IL36RN: variants seen among roughly 807,000 people sequenced by gnomAD.
The protein encoded by IL36RN is interleukin 36 receptor antagonist.
A neutral mutation model predicts 13.0 loss-of-function variants in IL36RN; 11 were observed. That is an observed-to-expected ratio of 0.85 (90% confidence interval 0.53 to 1.40). IL36RN has a LOEUF of 1.40. Ranked by LOEUF, IL36RN falls within the 40% of genes most tolerant of loss-of-function variation. The pLI is 0.00. For synonymous variants in IL36RN, 94 were observed against 84.1 expected, an observed-to-expected ratio of 1.12 and a Z score of -0.64; for missense variants, 195 against 195.3, an observed-to-expected ratio of 1.00 and a Z score of 0.01.
At position 113,059,583 on chromosome 2, in the gene IL36RN, G is replaced by A. The variant is rs1685599357; in HGVS notation, c.29+116G>A. ...AGGGAGGGGCTGCCATTGCAGCTGG[G>A]AAATTGTGACCAGCACCTCACTGCT... On this transcript the variant is annotated intron_variant, in intron 2 of 4. Coordinates refer to ENST00000393200, the MANE Select transcript of IL36RN (RefSeq NM_012275.3). 2.7e-5 allele frequency: 32 copies of A among 1,202,518 alleles called. No individual in the cohort carries two copies. The South Asian group carries it at 3.9e-4, about 15-fold the overall frequency. 74.5% of individuals were successfully genotyped at this position (1,202,518 alleles called of 1,614,324 possible).
intron 4 of IL36RN, 70 bp downstream of exon 4, chr2:113,062,321 C>T: frequency 1.2e-6 from 2 of 1,608,700 alleles, no homozygotes; most frequent in Non-Finnish European, 1.7e-6. Context: ...GGGCAGCCCA[C>T]AGCCCTGGTG....
Position 113,060,940 on chromosome 2 carries a change from T to G in IL36RN, c.115+3T>G. ...GCATGCAGGGAAGGTCATTAAAGGTTGGTGATGAAACATGACCCACTTTCC... is the reference window on the plus strand; with the variant it reads ...GCATGCAGGGAAGGTCATTAAAGGTGGGTGATGAAACATGACCCACTTTCC... On this transcript the variant is annotated splice_donor_region_variant and intron_variant, in intron 3 of 4. Coordinates refer to ENST00000393200, the MANE Select transcript of IL36RN (RefSeq NM_012275.3). 1 of 1,612,424 alleles carries G rather than the reference T, an allele frequency of 6.2e-7. No individual in the cohort carries two copies. Among genetic ancestry groups the G allele is most frequent in the South Asian group, 1.1e-5 (1 of 91,052 alleles).
At position 113,062,627 on chromosome 2, in the gene IL36RN, G is replaced by T. The variant is rs1415006327; in HGVS notation, c.418G>T (p.Gly140Cys). ...CAGACTCACCCAGCTTCCCGAGAAT[G>T]GTGGCTGGAATGCCCCCATCACAGA... ...PVRLTQLPEN[G>C]GWNAPITDFY... The change falls in exon 5 of 5, where the codon GGT becomes TGT. Residue 140 changes from glycine (G) to cysteine (C), a missense_variant. Physicochemically the swap from Gly to Cys is radical, Grantham distance 159. Transcript: ENST00000393200. 1 of 1,613,216 alleles carries T rather than the reference G, an allele frequency of 6.2e-7. No homozygotes were observed. The highest frequency in any genetic ancestry group is 8.5e-7 in the Non-Finnish European group (1 of 1,180,002).
At chr2:113,058,912 C>T (rs1240376365), upstream of IL36RN, among the ~76,000 whole-genome samples, 3 of 152,010 alleles carry the variant, frequency 2.0e-5, no homozygotes, top group Non-Finnish European at 4.4e-5. Context: ...GTCGCGCTTC[C>T]CTTGAGCTGC....
chr2:113,059,241 G>T lies in IL36RN; in HGVS notation c.-28G>T. On this transcript the variant is annotated splice_region_variant and 5_prime_UTR_variant, in exon 1 of 5. It adds an upstream start codon to the 5' untranslated region. Coordinates refer to ENST00000393200, the MANE Select transcript of IL36RN (RefSeq NM_012275.3). ...CCGCCAGGAGAAAGGAACATTCTGA[G>T]GTATGCTCTGGGGCGCTGGTGGTAC... 1 of 658,498 alleles carries T rather than the reference G, an allele frequency of 1.5e-6. No individual in the cohort carries two copies. The highest frequency in any genetic ancestry group is 2.2e-5 in the Admixed American group (1 of 45,488). 40.8% of individuals were successfully genotyped at this position (658,498 alleles called of 1,614,324 possible).
chr2:113,060,811 C>A, intron 2 of IL36RN, 41 bp from the exon 3 acceptor site: 1 of 1,435,022 alleles, frequency 7.0e-7, no homozygotes, highest in Non-Finnish European at 9.8e-7. Context: ...GAGTGTCCAC[C>A]CTCCTCCTAA....
rs1463163019 is a variant in IL36RN at position 113,063,097 on chromosome 2, G to A, written c.*420G>A. 6 of 316,002 alleles carry A rather than the reference G, an allele frequency of 1.9e-5. No homozygotes were observed. The highest frequency in any genetic ancestry group is 3.7e-5 in the Non-Finnish European group (6 of 162,542). The allele number at this position is 316,002 out of a possible 1,614,324, so 19.6% of individuals were successfully genotyped here. A position where few individuals can be genotyped will look rare whatever the true frequency, so the allele number is the denominator to read the frequency against. On this transcript the variant is annotated 3_prime_UTR_variant, in exon 5 of 5. Coordinates refer to ENST00000393200, the MANE Select transcript of IL36RN (RefSeq NM_012275.3). ...ATGAAGACCTGTCACTCACCACTAT[G>A]CAGGAGAGGGAGGTGGTCATAGAGT...
intron 4 of IL36RN, 75 bp downstream of exon 4, chr2:113,062,326 C>T: frequency 6.2e-7 from 1 of 1,609,392 alleles, no homozygotes; most frequent in Non-Finnish European, 8.5e-7. Context: ...GCCCACAGCC[C>T]TGGTGCTGTG....
Position 113,063,035 on chromosome 2 carries a change from T to A in IL36RN, c.*358T>A, listed in dbSNP as rs1685675429. On this transcript the variant is annotated 3_prime_UTR_variant, in exon 5 of 5. Coordinates refer to ENST00000393200, the MANE Select transcript of IL36RN (RefSeq NM_012275.3). ...ACCCTGAGCCCCGCAGGCCAACCCATCCCCAGTTGAGCCTTATAGGGTCAG... is the reference window on the plus strand; with the variant it reads ...ACCCTGAGCCCCGCAGGCCAACCCAACCCCAGTTGAGCCTTATAGGGTCAG... The A allele has an allele frequency of 5.5e-6, 2 of 366,268 alleles. No individual in the cohort carries two copies. Among genetic ancestry groups the A allele is most frequent in the South Asian group, 4.3e-5 (2 of 46,606 alleles). 22.7% of individuals were successfully genotyped at this position (366,268 alleles called of 1,614,324 possible). A position where few individuals can be genotyped will look rare whatever the true frequency, so the allele number is the denominator to read the frequency against.
chr2:113,062,614 G>C lies in IL36RN; in HGVS notation c.405G>C (p.Gln135His). 1 of 1,613,534 alleles carries C rather than the reference G, an allele frequency of 6.2e-7. No individual in the cohort carries two copies. The highest frequency in any genetic ancestry group is 8.5e-7 in the Non-Finnish European group (1 of 1,180,024). ...CCGATCAGCCTGTCAGACTCACCCA[G>C]CTTCCCGAGAATGGTGGCTGGAATG... ...PEADQPVRLT[Q>H]LPENGGWNAP... The change falls in exon 5 of 5, where the codon CAG becomes CAC. Residue 135 changes from glutamine to histidine, a missense_variant. Physicochemically the swap from Gln to His is conservative, Grantham distance 24. Transcript: ENST00000393200.
chr2:113,060,710 G>A, intron 2 of IL36RN, 142 bp from the exon 3 acceptor site: 1 of 713,102 alleles, frequency 1.4e-6, no homozygotes, highest in Non-Finnish European at 2.6e-6. Context: ...AGGGCTGGGA[G>A]ACAAGGCTGT....
chr2:113,062,324 C>T (rs1439320426), intron 4 of IL36RN, 73 bp downstream of exon 4: 45 of 1,608,548 alleles, frequency 2.8e-5, no homozygotes, highest in Admixed American at 5.0e-5. Flanking sequence ...CAGCCCACAG[C>T]CCTGGTGCTG....
In IL36RN at chr2:113,063,002, C is replaced by T; in HGVS notation, c.*325C>T. On this transcript the variant is annotated 3_prime_UTR_variant, in exon 5 of 5. Coordinates refer to ENST00000393200, the MANE Select transcript of IL36RN (RefSeq NM_012275.3). ...ATCATTCCTGCTTAATGGTAACTGA[C>T]CAGTGTTACCCTGAGCCCCGCAGGC... is the stretch of plus-strand genomic sequence containing the variant. 2.6e-6 allele frequency: 1 copy of T among 389,636 alleles called. No individual in the cohort carries two copies. Among genetic ancestry groups the T allele is most frequent in the Non-Finnish European group, 4.9e-6 (1 of 203,174 alleles). The allele number at this position is 389,636 out of a possible 1,614,324, so 24.1% of individuals were successfully genotyped here. A position where few individuals can be genotyped will look rare whatever the true frequency, so the allele number is the denominator to read the frequency against.
Position 113,062,442 on chromosome 2 carries a change from TCTGC to T in IL36RN, c.244-9_244-6del, listed in dbSNP as rs749941611. The T allele has an allele frequency of 1.3e-5, 21 of 1,613,872 alleles. No individual in the cohort carries two copies. In the East Asian group the frequency reaches 4.2e-4, roughly 33 times the overall value. ...TCTGCCCTCACCTGACCTCCCCTCC[TCTGC>T]CGGCAGCCAGTGAACATCATGGAGC... On this transcript the variant is annotated splice_polypyrimidine_tract_variant and splice_region_variant and intron_variant, in intron 4 of 4. Transcript: ENST00000393200.
At position 113,062,548 on chromosome 2, in the gene IL36RN, G is replaced by C. The variant is rs758684391; in HGVS notation, c.339G>C (p.Ser113=). 1.9e-6 allele frequency: 3 copies of C among 1,613,876 alleles called. No homozygotes were observed. Among genetic ancestry groups the C allele is most frequent in the Non-Finnish European group, 2.5e-6 (3 of 1,180,012 alleles). Residue 113 remains serine (S), a synonymous_variant, in exon 5 of 5, where the codon TCG becomes TCC. Coordinates refer to ENST00000393200, the MANE Select transcript of IL36RN (RefSeq NM_012275.3). ...RDMGLTSSFE[S]AAYPGWFLCT... ...TGGGGCTCACCTCCAGCTTCGAGTC[G>C]GCTGCCTACCCGGGCTGGTTCCTGT...
At position 113,059,250 on chromosome 2, in the gene IL36RN, TG is replaced by T; in HGVS notation, c.-28+13del. 2.9e-6 allele frequency: 2 copies of T among 678,464 alleles called. No homozygotes were observed. Among genetic ancestry groups the T allele is most frequent in the Admixed American group, 2.1e-5 (1 of 47,710 alleles). The allele number at this position is 678,464 out of a possible 1,614,324, so 42.0% of individuals were successfully genotyped here. ...GAAAGGAACATTCTGAGGTATGCTC[TG>T]GGGCGCTGGTGGTACCGGAGCTCTC... On this transcript the variant is annotated intron_variant, in intron 1 of 4. Transcript: ENST00000393200.
chr2:113,061,078 A>T (rs1403009203), intron 3 of IL36RN, 141 bp downstream of exon 3: 1 of 717,888 alleles, frequency 1.4e-6, no homozygotes, highest in African/African-American at 1.8e-5. Flanking sequence ...CCAGGCTCTA[A>T]GCAAAGGCAA....
chr2:113,063,088 C>T lies in IL36RN; in HGVS notation c.*411C>T. 1 of 338,702 alleles carries T rather than the reference C, an allele frequency of 3.0e-6. No homozygotes were observed. Among genetic ancestry groups the T allele is most frequent in the Admixed American group, 4.1e-5 (1 of 24,138 alleles). The allele number at this position is 338,702 out of a possible 1,614,324, so 21.0% of individuals were successfully genotyped here. On this transcript the variant is annotated 3_prime_UTR_variant, in exon 5 of 5. Transcript: ENST00000393200. ...GCTCTCCACATGAAGACCTGTCACT[C>T]ACCACTATGCAGGAGAGGGAGGTGG...
chr2:113,060,905 CT>C lies in IL36RN; in HGVS notation c.84del (p.Gly29GlufsTer50). 1 of 1,614,112 alleles carries C rather than the reference CT, an allele frequency of 6.2e-7. No homozygotes were observed. The highest frequency in any genetic ancestry group is 8.5e-7 in the Non-Finnish European group (1 of 1,179,974). Reference protein sequence around the residue: ...VLYLHNNQLLAGGLHAGKVIK... With the variant: ...VLYLHNNQLLXGGLHAGKVIK... The stretch of plus-strand genomic sequence containing the variant: ...TATCTGCATAATAACCAGCTTCTAG[CT>C]GGAGGGCTGCATGCAGGGAAGGTCA... On this transcript the variant is annotated frameshift_variant, in exon 3 of 5. Transcript: ENST00000393200. LOFTEE classifies it high-confidence loss of function.
Sources: gnomAD v4.1 joint callset for allele counts (sites outside exome capture counted in the v4.1 genomes callset) on GRCh38, gnomAD v4.1.1 for gene constraint, MANE v1.5 for transcripts, NCBI Gene and HGNC (gene_info 2026-07-23, HGNC 2026-07-21) for gene names.